Variants in SCNN1A observed in about 807,000 individuals in gnomAD.
SCNN1A encodes the protein sodium channel epithelial 1 subunit alpha.
A neutral mutation model predicts 68.6 loss-of-function variants in SCNN1A; 65 were observed. That is an observed-to-expected ratio of 0.95 (90% CI 0.78 to 1.16). SCNN1A has a LOEUF of 1.16. SCNN1A is among the 50% of genes most tolerant of loss of function. The probability of loss-of-function intolerance (pLI) is 0.00; values close to 1 mark genes in which losing one functional copy is unlikely to be tolerated. For synonymous variants in SCNN1A, 357 were observed against 353.3 expected (o/e 1.01, Z -0.12); for missense variants, 880 against 865.9 (o/e 1.02, Z -0.20).
At chr12:6,350,059 TA>T in intron 8 of SCNN1A, 1 of 170,948 alleles carries the variant, frequency 5.8e-6, no homozygotes, top group South Asian at 1.1e-4. Flanking sequence ...GAAAATAAGC[TA>T]AGTCAGGCGA....
intron 11 of SCNN1A, 63 bp from the exon 12 acceptor site, chr12:6,348,865 A>C: frequency 6.2e-7 from 1 of 1,602,094 alleles, no homozygotes; most frequent in Non-Finnish European, 8.6e-7. Context: ...ACCTTCCTCT[A>C]ATCAACCATA....
intron 8 of SCNN1A, among the ~76,000 whole-genome samples, chr12:6,352,923 C>T (rs552761545): frequency 7.3e-4 from 111 of 152,350 alleles, no homozygotes; most frequent in African/African-American, 2.4e-3. Context: ...CTACCATGTC[C>T]CCTCCCGTGA....
chr12:6,355,967 C>A (rs1349996814), intron 4 of SCNN1A, 87 bp from the exon 5 acceptor site: 1 of 873,854 alleles, frequency 1.1e-6, no homozygotes, highest in Non-Finnish European at 2.0e-6. Flanking sequence ...AATGTCCACT[C>A]TCTTAAACTC....
At position 6,355,764 on chromosome 12, in the gene SCNN1A, G is replaced by C. The variant is rs755251680; in HGVS notation, c.979+13C>G. The C allele has an allele frequency of 6.4e-7, 1 of 1,567,998 alleles. No individual in the cohort carries two copies. The highest frequency in any genetic ancestry group is 8.8e-7 in the Non-Finnish European group (1 of 1,138,076). ...AGCAGAGGGCGCCATGGAGCAAGCAGGGAGCTTCTCACCGTTGTTGATTCC... is the reference window on the plus strand; with the variant it reads ...AGCAGAGGGCGCCATGGAGCAAGCACGGAGCTTCTCACCGTTGTTGATTCC... On this transcript the variant is annotated intron_variant, in intron 5 of 12. Coordinates refer to ENST00000228916, the MANE Select transcript of SCNN1A (RefSeq NM_001038.6).
intron 2 of SCNN1A, among the ~76,000 whole-genome samples, chr12:6,364,727 A>C (rs1592077516): frequency 6.6e-6 from 1 of 151,194 alleles, no homozygotes; most frequent in East Asian, 1.9e-4. Flanking sequence ...GCGCCACTAC[A>C]CTCCAGCCTG....
chr12:6,347,924 T>G lies in SCNN1A; in HGVS notation c.1959A>C (p.Pro653=). 6.3e-7 allele frequency: 1 copy of G among 1,591,484 alleles called. No individual in the cohort carries two copies. Among genetic ancestry groups the G allele is most frequent in the Non-Finnish European group, 8.6e-7 (1 of 1,168,122 alleles). Residue 653 remains proline, a synonymous_variant, in exon 13 of 13, where the codon CCA becomes CCC. Coordinates refer to ENST00000228916, the MANE Select transcript of SCNN1A (RefSeq NM_001038.6). The stretch of plus-strand genomic sequence containing the variant: ...AGGAACTGGCCCCTGCAGAGCCCCC[T>G]GGAGATGGGCGGGGGCCCAGGGTGG... ...AYATLGPRPS[P]GGSAGASSST...
chr12:6,349,366 T>C lies in SCNN1A; in HGVS notation c.1400A>G (p.Asp467Gly). ...GCACTTGGTGAAACAGCCCAGGTGGTCTGAGGAGAAGTCAACCTGGAGCTT... is the reference window on the plus strand; with the variant it reads ...GCACTTGGTGAAACAGCCCAGGTGGCCTGAGGAGAAGTCAACCTGGAGCTT... ...YYKLQVDFSS[D>G]HLGCFTKCRK... Residue 467 changes from aspartate to glycine, a missense_variant, in exon 9 of 13, where the codon GAC (aspartate) becomes GGC (glycine). Asp to Gly is a moderately conservative substitution (Grantham distance 94). Transcript: ENST00000228916. 1 of 1,610,404 alleles carries C rather than the reference T, an allele frequency of 6.2e-7. No individual in the cohort carries two copies.
At position 6,375,544 on chromosome 12, in the gene SCNN1A, G is replaced by T; in HGVS notation, c.-94C>A. 2.6e-6 allele frequency: 4 copies of T among 1,534,864 alleles called. No individual in the cohort carries two copies. The highest frequency in any genetic ancestry group is 2.6e-6 in the Non-Finnish European group (3 of 1,146,470). On this transcript the variant is annotated 5_prime_UTR_variant, in exon 1 of 13. Coordinates refer to ENST00000228916, the MANE Select transcript of SCNN1A (RefSeq NM_001038.6). Reference sequence around the variant, plus strand: ...GGCCTGGCTGGGGAGCCCGCCCGCTGGCCGGCCAGGGATGGAAGCGACAGG... The same window carrying T: ...GGCCTGGCTGGGGAGCCCGCCCGCTTGCCGGCCAGGGATGGAAGCGACAGG...
chr12:6,360,659 G>A (rs922766421), intron 4 of SCNN1A, among the ~76,000 whole-genome samples: 7 of 152,256 alleles, frequency 4.6e-5, no homozygotes, highest in African/African-American at 1.4e-4. Flanking sequence ...CCATTCTTCA[G>A]CAACAGGGGA....
At chr12:6,348,503 C>T (rs1458595570) in intron 12 of SCNN1A, among the ~76,000 whole-genome samples, 1 of 147,190 alleles carries the variant, frequency 6.8e-6, no homozygotes, top group Non-Finnish European at 1.5e-5. Flanking sequence ...TTCACCCCAG[C>T]ATCTAGCATG....
rs2136856503 is a variant in SCNN1A, at chr12:6,351,138, A to T, written c.1361-1733T>A. ...TTCACAATAACCAAAAAGTGGCAAC[A>T]ACACAAATGTCCACTAACTGATAAA... is the stretch of plus-strand genomic sequence containing the variant. On this transcript the variant is annotated intron_variant, in intron 8 of 12. Transcript: ENST00000228916. The surrounding 1 kb of genome is among the most constrained non-coding windows in gnomAD (Gnocchi z 4.2). Among the ~76,000 whole-genome samples, 1 of 152,386 alleles carries T rather than the reference A, an allele frequency of 6.6e-6. No individual in the cohort carries two copies. The highest frequency in any genetic ancestry group is 6.5e-5 in the Admixed American group (1 of 15,312).
intron 3 of SCNN1A, among the ~76,000 whole-genome samples, chr12:6,363,210 T>C (rs926904679): frequency 6.6e-6 from 1 of 151,924 alleles, no homozygotes; most frequent in Admixed American, 6.6e-5. Flanking sequence ...GAAATGCTTC[T>C]ACATAGGACC....
chr12:6,361,571 C>T lies in SCNN1A; in HGVS notation c.875+480G>A, dbSNP rs1948579443. Among the ~76,000 whole-genome samples, 6 of 152,204 alleles carry T rather than the reference C, an allele frequency of 3.9e-5. No homozygotes were observed. The South Asian group carries it at 6.2e-4, about 16-fold the overall frequency. ...CCTGACCAACATGGACGTTGACCAA[C>T]GTCTCTACTAAAAATAAAAAAATTA... On this transcript the variant is annotated intron_variant, in intron 4 of 12. Coordinates refer to ENST00000228916, the MANE Select transcript of SCNN1A (RefSeq NM_001038.6).
intron 8 of SCNN1A, among the ~76,000 whole-genome samples, chr12:6,350,236 T>A (rs1948358083): frequency 6.8e-6 from 1 of 146,016 alleles, no homozygotes; most frequent in Non-Finnish European, 1.5e-5. Context: ...ATCGAGACCA[T>A]CCTGGCTAAC....
chr12:6,371,619 G>T (rs1433778127), intron 2 of SCNN1A, among the ~76,000 whole-genome samples: 1 of 151,540 alleles, frequency 6.6e-6, no homozygotes, highest in African/African-American at 2.4e-5. Context: ...ACCACTTGTT[G>T]TCTGTCTGAA....
At chr12:6,370,842 C>T (rs1948776366) in intron 2 of SCNN1A, among the ~76,000 whole-genome samples, 1 of 152,208 alleles carries the variant, frequency 6.6e-6, no homozygotes, top group Admixed American at 6.5e-5. Context: ...GCTACCATGA[C>T]CTCCTTCATT....
Position 6,355,282 on chromosome 12 carries a change from C to T in SCNN1A, c.1133G>A (p.Ser378Asn). The change falls in exon 6 of 13, where the codon AGC becomes AAC. Residue 378 changes from serine (S) to asparagine (N), a missense_variant. Ser to Asn is a conservative substitution (Grantham distance 46). Around this residue, in one of 3 missense-constraint regions of SCNN1A, gnomAD observed 758 missense variants for 721.8 expected, o/e 1.05. Transcript: ENST00000228916. The stretch of plus-strand genomic sequence containing the variant: ...AGTCAGCATCCTTGCCTTCCTCATG[C>T]TGATGGAGGTCTCCACGCCAGGCCG... ...NLRPGVETSI[S>N]MRKETLDRLG... The T allele has an allele frequency of 1.2e-6, 2 of 1,613,044 alleles. No individual in the cohort carries two copies. The highest frequency in any genetic ancestry group is 1.7e-6 in the Non-Finnish European group (2 of 1,179,514).
intron 2 of SCNN1A, among the ~76,000 whole-genome samples, chr12:6,367,132 G>A (rs891257286): frequency 2.0e-5 from 3 of 152,162 alleles, no homozygotes; most frequent in Admixed American, 6.6e-5. Context: ...CAGCTACTCA[G>A]AAGACTGAGG....
upstream of SCNN1A, chr12:6,375,567 A>ATT: frequency 6.5e-7 from 1 of 1,526,868 alleles, no homozygotes; most frequent in Non-Finnish European, 8.8e-7. Context: ...TGGAAGCGAC[A>ATT]GGAATCTCAT....
Sources: allele counts gnomAD v4.1 joint callset (sites outside exome capture counted in the v4.1 genomes callset), GRCh38; gene constraint gnomAD v4.1.1; regional missense constraint gnomAD v4.1.1; non-coding constraint Gnocchi (gnomAD v3.1); transcripts MANE v1.5; gene names NCBI Gene and HGNC (gene_info 2026-07-23, HGNC 2026-07-21).